The following TNS1 variants were observed in gnomAD, a reference collection of about 807,000 sequenced individuals.
The protein encoded by TNS1 is tensin 1, also known as tensin-1.
A neutral mutation model predicts 168.6 loss-of-function variants in TNS1; 62 were observed. The ratio of observed to expected loss-of-function variants is 0.37; its 90% CI spans 0.30 to 0.45. The LOEUF is 0.45. Ranked by LOEUF, TNS1 falls within the 20% of genes least tolerant of loss-of-function variation. TNS1 has a pLI of 1.00. For missense variants in TNS1, 2,240 were observed against 2,339.4 expected (o/e 0.96, Z 0.88); for synonymous variants, 934 against 933.2 (o/e 1.00, Z -0.02).
intron 32 of TNS1, among the ~76,000 whole-genome samples, chr2:217,807,581 C>T (rs1335655922): frequency 6.6e-6 from 1 of 152,186 alleles, no homozygotes; most frequent in Admixed American, 6.5e-5. Context: ...GCCCCTAGGA[C>T]ATGTCTGCTG....
chr2:218,031,017 T>G (rs923605528), intron 1 of TNS1, among the ~76,000 whole-genome samples: 1 of 146,318 alleles, frequency 6.8e-6, no homozygotes, highest in East Asian at 2.1e-4. Flanking sequence ...TGGGAGTGTA[T>G]GTGTGTATGT....
Position 217,885,813 on chromosome 2 carries a change from G to A in TNS1, c.1047C>T (p.Ile349=), listed in dbSNP as rs1951139642. The part of the protein sequence containing the change: ...QPVYTSGIYN[I]PGDSQTSVCI... ...AGACGCTAGTCTGGCTGTCTCCTGGGATGTTGCTAAGGGAGAGAGGTGGGC... is the reference window on the plus strand; with the variant it reads ...AGACGCTAGTCTGGCTGTCTCCTGGAATGTTGCTAAGGGAGAGAGGTGGGC... The change falls in exon 15 of 33, where the codon ATC becomes ATT. Residue 349 remains isoleucine (I), a synonymous_variant. Coordinates refer to ENST00000682258, the MANE Select transcript of TNS1 (RefSeq NM_001387777.1). The A allele has an allele frequency of 6.2e-7, 1 of 1,614,064 alleles. No individual in the cohort carries two copies. Among genetic ancestry groups the A allele is most frequent in the African/African-American group, 1.3e-5 (1 of 74,934 alleles).
chr2:217,942,019 A>G (rs1404780280), intron 3 of TNS1, among the ~76,000 whole-genome samples: 2 of 152,120 alleles, frequency 1.3e-5, no homozygotes, highest in Non-Finnish European at 2.9e-5. Flanking sequence ...ACCCATAAGC[A>G]TCCCAACCCA....
chr2:217,962,673 A>G (rs933769492), intron 3 of TNS1, among the ~76,000 whole-genome samples: 1 of 152,244 alleles, frequency 6.6e-6, no homozygotes, highest in African/African-American at 2.4e-5. Flanking sequence ...ATGTAGAAAG[A>G]ATGATGGAAA....
intron 1 of TNS1, among the ~76,000 whole-genome samples, chr2:217,993,097 G>A (rs1958407508): frequency 6.6e-6 from 1 of 152,142 alleles, no homozygotes; most frequent in Admixed American, 6.5e-5. Context: ...CGGGATTTTA[G>A]CCCGGGAGCT....
intron 3 of TNS1, among the ~76,000 whole-genome samples, chr2:217,965,544 C>T (rs992401809): frequency 6.6e-6 from 1 of 152,136 alleles, no homozygotes; most frequent in East Asian, 1.9e-4. Flanking sequence ...GCTCAGAGAA[C>T]TACAACTGAG....
intron 1 of TNS1, among the ~76,000 whole-genome samples, chr2:218,016,632 C>T (rs1036508034): frequency 1.3e-5 from 2 of 152,148 alleles, no homozygotes; most frequent in African/African-American, 4.8e-5. Flanking sequence ...GGGCTGATGG[C>T]CAGGGGGACC....
chr2:217,983,302 C>A (rs1366689473), intron 2 of TNS1, among the ~76,000 whole-genome samples: 1 of 152,174 alleles, frequency 6.6e-6, no homozygotes, highest in African/African-American at 2.4e-5. Flanking sequence ...GGCCTCCCAG[C>A]TACTACAGAA....
chr2:217,860,869 A>G (rs998328980), intron 18 of TNS1, among the ~76,000 whole-genome samples: 3 of 152,104 alleles, frequency 2.0e-5, no homozygotes, highest in African/African-American at 7.2e-5. Flanking sequence ...ACTACCACAC[A>G]ATAGTTCCTG....
rs1403768878 is a variant in TNS1 at position 218,032,833 on chromosome 2, T to G, written c.156+987A>C. 2.0e-5 allele frequency among the ~76,000 whole-genome samples: 3 copies of G among 152,012 alleles called. No homozygotes were observed. The highest frequency in any genetic ancestry group is 1.9e-4 in the East Asian group (1 of 5,168). On this transcript the variant is annotated intron_variant, in intron 1 of 1. Transcript: ENST00000649572. The surrounding 1 kb of genome is among the most constrained non-coding windows in gnomAD (Gnocchi z 4.0). ...AGGGAGTCACAGGCGAGCTCCAGGC[T>G]CTCTCCAGAGGCCGCTTAGAAACCA... is the stretch of plus-strand genomic sequence containing the variant.
intron 3 of TNS1, among the ~76,000 whole-genome samples, chr2:217,941,047 A>T (rs1956884401): frequency 6.6e-6 from 1 of 152,164 alleles, no homozygotes; most frequent in South Asian, 2.1e-4. Context: ...TATGCAAGCC[A>T]CTTGATGCTG....
chr2:218,024,613 C>T (rs1319451291), intron 1 of TNS1, among the ~76,000 whole-genome samples: 1 of 152,132 alleles, frequency 6.6e-6, no homozygotes, highest in Non-Finnish European at 1.5e-5. Context: ...GGTACTGCAG[C>T]TTGGCAATGG....
At chr2:217,849,238 G>T (rs1256745065) in intron 18 of TNS1, 151 bp from the exon 19 acceptor site, 12 of 966,646 alleles carry the variant, frequency 1.2e-5, no homozygotes, top group African/African-American at 1.7e-5. Flanking sequence ...GGGAAAAGGG[G>T]AGCTGACAGA....
chr2:217,879,721 G>T (rs1950517821), intron 18 of TNS1, among the ~76,000 whole-genome samples: 1 of 152,194 alleles, frequency 6.6e-6, no homozygotes, highest in African/African-American at 2.4e-5. Context: ...AAGGCCCAAA[G>T]ATTTTCAGAG....
chr2:217,856,671 G>A (rs7568256), intron 18 of TNS1, among the ~76,000 whole-genome samples: 44,810 of 151,986 alleles, frequency 0.29, 6,774 homozygotes, highest in Middle Eastern at 0.39. Flanking sequence ...TTGGGAACAC[G>A]TAAAAAGATT....
At chr2:217,843,765 A>T (rs1350170525) in intron 19 of TNS1, among the ~76,000 whole-genome samples, 1 of 151,504 alleles carries the variant, frequency 6.6e-6, no homozygotes, top group Admixed American at 6.6e-5. Flanking sequence ...CCGAACACTC[A>T]CTCTCAGCCC....
At chr2:218,019,172 C>A (rs938458355) in intron 1 of TNS1, among the ~76,000 whole-genome samples, 1 of 152,032 alleles carries the variant, frequency 6.6e-6, no homozygotes, top group Non-Finnish European at 1.5e-5. Context: ...CAAGGAGGGT[C>A]CCCTGGAAGA....
intron 3 of TNS1, among the ~76,000 whole-genome samples, chr2:217,972,202 A>G (rs1458718167): frequency 6.6e-6 from 1 of 152,230 alleles, no homozygotes; most frequent in Non-Finnish European, 1.5e-5. Flanking sequence ...GCTGGGGCTC[A>G]GAGAGGTTCA....
In TNS1 at chr2:217,831,444, T is replaced by C. The variant is rs1284697255; in HGVS notation, c.3373+11A>G. On this transcript the variant is annotated intron_variant, in intron 22 of 32. Coordinates refer to ENST00000682258, the MANE Select transcript of TNS1 (RefSeq NM_001387777.1). ...TGGCCCCCCTCCCCATCTTCCCTCT[T>C]CCCAACTCACCTCCTGTGGGGTGCA... 1 of 1,569,634 alleles carries C rather than the reference T, an allele frequency of 6.4e-7. No homozygotes were observed. The highest frequency in any genetic ancestry group is 8.6e-7 in the Non-Finnish European group (1 of 1,157,252).
Sources: allele counts gnomAD v4.1 joint callset (sites outside exome capture counted in the v4.1 genomes callset), GRCh38; gene constraint gnomAD v4.1.1; non-coding constraint Gnocchi (gnomAD v3.1); transcripts MANE v1.5; gene names NCBI Gene and HGNC (gene_info 2026-07-23, HGNC 2026-07-21).